Variants in HIVEP2 observed in about 807,000 individuals in gnomAD.
The protein encoded by HIVEP2 is HIVEP zinc finger 2, also known as transcription factor HIVEP2.
In HIVEP2, 14 loss-of-function variants were observed where a neutral mutation model predicts 180.7. That is an observed-to-expected ratio of 0.08 (90% CI 0.05 to 0.12). HIVEP2 has a LOEUF of 0.12. HIVEP2 is among the 10% of genes least tolerant of loss of function. The probability of loss-of-function intolerance (pLI) is 1.00; values close to 1 mark genes in which losing one functional copy is unlikely to be tolerated. For missense variants in HIVEP2, 2,579 were observed against 3,008.5 expected (o/e 0.86, Z 3.34); for synonymous variants, 1,184 against 1,136.4 (o/e 1.04, Z -0.84).
chr6:142,934,976 C>T (rs754765086), intron 1 of HIVEP2, among the ~76,000 whole-genome samples: 13 of 152,156 alleles, frequency 8.5e-5, no homozygotes, highest in East Asian at 5.8e-4. Flanking sequence ...CTTCACACAG[C>T]GTCCTTCTTA....
In HIVEP2 at chr6:142,759,728, G is replaced by A. The variant is rs779808058; in HGVS notation, c.6516+44C>T. On this transcript the variant is annotated intron_variant, in intron 9 of 9. Transcript: ENST00000367603. The stretch of plus-strand genomic sequence containing the variant: ...CCAGTGCATTATCAGGAGGACCAAT[G>A]TGCTTCCACTTATGTATTAGAAAGA... 7.4e-6 allele frequency: 11 copies of A among 1,485,458 alleles called. No homozygotes were observed. The African/African-American group carries it at 1.3e-4, about 17-fold the overall frequency. 92.0% of individuals were successfully genotyped at this position (1,485,458 alleles called of 1,614,324 possible).
intron 1 of HIVEP2, among the ~76,000 whole-genome samples, chr6:142,935,806 A>G (rs1292947391): frequency 6.6e-6 from 1 of 152,246 alleles, no homozygotes; most frequent in Non-Finnish European, 1.5e-5. Flanking sequence ...TGAAAGTGAA[A>G]CCATCCTAAT....
intron 1 of HIVEP2, among the ~76,000 whole-genome samples, chr6:142,916,171 T>C (rs1361092202): frequency 6.6e-6 from 1 of 152,234 alleles, no homozygotes; most frequent in Non-Finnish European, 1.5e-5. Context: ...AGTGTAGTCA[T>C]CTACTCCCTG....
At chr6:142,904,374 T>C (rs904122537) in intron 1 of HIVEP2, among the ~76,000 whole-genome samples, 3 of 152,230 alleles carry the variant, frequency 2.0e-5, no homozygotes, top group African/African-American at 7.2e-5. Flanking sequence ...CAGTGTCACA[T>C]ATACTTTCCT....
chr6:142,913,888 C>T (rs1037016158), intron 1 of HIVEP2, among the ~76,000 whole-genome samples: 3 of 152,174 alleles, frequency 2.0e-5, no homozygotes, highest in Non-Finnish European at 4.4e-5. Context: ...CAGCAAAGTC[C>T]CTGATCAGCC....
At chr6:142,850,632 G>T (rs555762071) in intron 1 of HIVEP2, among the ~76,000 whole-genome samples, 1 of 152,292 alleles carries the variant, frequency 6.6e-6, no homozygotes, top group South Asian at 2.1e-4. Flanking sequence ...GAAAGAAAAT[G>T]ATTATGACAA....
intron 1 of HIVEP2, among the ~76,000 whole-genome samples, chr6:142,894,016 T>C: frequency 6.6e-6 from 1 of 152,230 alleles, no homozygotes. Flanking sequence ...TTCGCTCACT[T>C]AATCATCCTA....
chr6:142,870,633 T>A (rs563588520), intron 1 of HIVEP2, among the ~76,000 whole-genome samples: 9 of 152,288 alleles, frequency 5.9e-5, no homozygotes, highest in African/African-American at 2.2e-4. Flanking sequence ...CTTCCTGTAA[T>A]CTGTATTGAG....
intron 9 of HIVEP2, among the ~76,000 whole-genome samples, chr6:142,757,298 TAA>T (rs964306116): frequency 6.6e-6 from 1 of 152,146 alleles, no homozygotes; most frequent in African/African-American, 2.4e-5. Context: ...ATACATCCTC[TAA>T]AGAGAATTAA....
chr6:142,775,113 A>T lies in HIVEP2; in HGVS notation c.-375T>A. 1 of 1,001,026 alleles carries T rather than the reference A, an allele frequency of 1.0e-6. No individual in the cohort carries two copies. The highest frequency in any genetic ancestry group is 1.2e-6 in the Non-Finnish European group (1 of 839,356). 62.0% of individuals were successfully genotyped at this position (1,001,026 alleles called of 1,614,324 possible). On this transcript the variant is annotated 5_prime_UTR_variant, in exon 5 of 10. It introduces an in-frame stop codon into an upstream open reading frame of the 5' UTR. Transcript: ENST00000367603. ...GCAAAGTTCAATTGCCAGTTTCACT[A>T]AGATAAAATGATCTGAAGAAAAAGA...
intron 8 of HIVEP2, 25 bp from the exon 9 acceptor site, chr6:142,760,692 G>A (rs1775208998): frequency 1.3e-6 from 2 of 1,526,680 alleles, no homozygotes; most frequent in Non-Finnish European, 1.8e-6. Context: ...CAAAGATAAT[G>A]GAGATCAAGA....
intron 5 of HIVEP2, among the ~76,000 whole-genome samples, chr6:142,769,092 C>T (rs907910454): frequency 1.1e-4 from 16 of 152,204 alleles, no homozygotes; most frequent in Non-Finnish European, 1.8e-4. Context: ...ACAGATGTCT[C>T]GTCAATGAGA....
chr6:142,760,105 C>T lies in HIVEP2; in HGVS notation c.6183G>A (p.Lys2061=), dbSNP rs1775186571. The change falls in exon 9 of 10, where the codon AAG becomes AAA. Residue 2061 remains lysine, a synonymous_variant. Transcript: ENST00000367603. ...AATCTCCTTTGGGTATCAGATACCTCTTTGGTGAATTATCTCGACAGGGTG... is the reference window on the plus strand; with the variant it reads ...AATCTCCTTTGGGTATCAGATACCTTTTTGGTGAATTATCTCGACAGGGTG... ...DSSPCRDNSP[K]RYLIPKGDLS... 1 of 1,614,124 alleles carries T rather than the reference C, an allele frequency of 6.2e-7. No individual in the cohort carries two copies. The highest frequency in any genetic ancestry group is 2.2e-5 in the East Asian group (1 of 44,878).
Position 142,844,209 on chromosome 6 carries a change from C to T in HIVEP2, c.-640-7162G>A, listed in dbSNP as rs904768191. ...GAGTTTTTCCTACCAACCCACAATA[C>T]GTTGGGTATTGCACAATGGATTCAA... On this transcript the variant is annotated intron_variant, in intron 1 of 9. Coordinates refer to ENST00000367603, the MANE Select transcript of HIVEP2 (RefSeq NM_006734.4). 1.4e-4 allele frequency among the ~76,000 whole-genome samples: 21 copies of T among 152,012 alleles called. 1 individual carries two copies. Among genetic ancestry groups the T allele is most frequent in the African/African-American group, 3.9e-4 (16 of 41,366 alleles).
intron 2 of HIVEP2, among the ~76,000 whole-genome samples, chr6:142,823,490 A>G (rs927675135): frequency 5.3e-5 from 8 of 152,226 alleles, no homozygotes. Context: ...AAAGCAGAGA[A>G]GATTCAAGCA....
intron 1 of HIVEP2, among the ~76,000 whole-genome samples, chr6:142,872,193 T>C (rs1776306410): frequency 6.6e-6 from 1 of 152,194 alleles, no homozygotes; most frequent in African/African-American, 2.4e-5. Flanking sequence ...AAATCATTTC[T>C]AACTCAGTGA....
At chr6:142,822,981 C>G (rs954264306) in intron 2 of HIVEP2, among the ~76,000 whole-genome samples, 3 of 152,196 alleles carry the variant, frequency 2.0e-5, no homozygotes, top group Non-Finnish European at 4.4e-5. Flanking sequence ...GACCTCCAGT[C>G]CCCTTAAAAA....
intron 3 of HIVEP2, among the ~76,000 whole-genome samples, chr6:142,778,706 T>C (rs1775766310): frequency 6.6e-6 from 1 of 152,170 alleles, no homozygotes; most frequent in African/African-American, 2.4e-5. Context: ...TATTTTACAG[T>C]TGAGAATGAT....
intron 1 of HIVEP2, among the ~76,000 whole-genome samples, chr6:142,899,830 G>T (rs1411080998): frequency 6.6e-6 from 1 of 152,180 alleles, no homozygotes; most frequent in Non-Finnish European, 1.5e-5. Flanking sequence ...AAGTACAGAG[G>T]TGAAAGGAAA....
Sources: gnomAD v4.1 joint callset for allele counts (sites outside exome capture counted in the v4.1 genomes callset) on GRCh38, gnomAD v4.1.1 for gene constraint, MANE v1.5 for transcripts, NCBI Gene and HGNC (gene_info 2026-07-23, HGNC 2026-07-21) for gene names.